Variants in MUC12 observed in about 807,000 individuals in gnomAD.
The protein encoded by MUC12 is mucin-12.
Under a neutral mutation model 230.8 loss-of-function variants are expected in MUC12, and 172 were observed. The observed-to-expected ratio is 0.75, with a 90% CI of 0.66 to 0.85. The LOEUF is 0.85. Among genes scored for constraint, MUC12 ranks in the 40% least tolerant of loss-of-function variants. MUC12 has a pLI of 0.00. For synonymous variants in MUC12, 1,259 were observed against 2,401.9 expected, an observed-to-expected ratio of 0.52 and a Z score of 13.91; for missense variants, 3,506 against 5,920.6, an observed-to-expected ratio of 0.59 and a Z score of 13.38.
In MUC12 at chr7:100,991,654, G is replaced by C; in HGVS notation, c.1091G>C (p.Ser364Thr). The change falls in exon 2 of 12, where the codon AGC becomes ACC. Residue 364 changes from serine (S) to threonine (T), a missense_variant. Coordinates refer to ENST00000536621, the MANE Select transcript of MUC12 (RefSeq NM_001164462.2). ...HVEESTAYHRSPGSTQTMHFP... is the reference protein window; with the variant it reads ...HVEESTAYHRTPGSTQTMHFP... ...GAAGAATCTACAGCCTACCACAGGA[G>C]CCCGGGCTCAACTCAAACAATGCAC... The C allele has an allele frequency of 6.5e-7, 1 of 1,537,198 alleles. No homozygotes were observed. The highest frequency in any genetic ancestry group is 8.7e-7 in the Non-Finnish European group (1 of 1,146,464).
In MUC12 at chr7:100,991,596, C is replaced by A. The variant is rs61745827; in HGVS notation, c.1033C>A (p.Pro345Thr). The change falls in exon 2 of 12, where the codon CCA becomes ACA. Residue 345 changes from proline to threonine, a missense_variant. Coordinates refer to ENST00000536621, the MANE Select transcript of MUC12 (RefSeq NM_001164462.2). ...SSPVATATTPPPARSATSGHV... is the reference protein window; with the variant it reads ...SSPVATATTPTPARSATSGHV... ...CCCAGTTGCAACTGCAACAACACCC[C>A]CACCTGCCCGCTCCGCGACCTCAGG... 4 of 1,513,092 alleles carry A rather than the reference C, an allele frequency of 2.6e-6. No individual in the cohort carries two copies. Among genetic ancestry groups the A allele is most frequent in the Non-Finnish European group, 3.5e-6 (4 of 1,132,292 alleles). The allele number at this position is 1,513,092 out of a possible 1,614,324, so 93.7% of individuals were successfully genotyped here.
intron 1 of MUC12, chr7:100,972,744 A>T (rs1214561640): frequency 1.6e-6 from 1 of 642,720 alleles, no homozygotes; most frequent in Admixed American, 2.2e-5. Context: ...GGCCTCAAGT[A>T]ATCTGCTCAG....
chr7:101,018,480 ACTCC>A (rs1793992756), intron 11 of MUC12, 111 bp from the exon 12 acceptor site: 2 of 284,406 alleles, frequency 7.0e-6, no homozygotes, highest in Admixed American at 4.1e-5. Context: ...TCCCCCTGGG[ACTCC>A]CTCCCTCCCC....
rs185465810 is a variant in MUC12 at position 100,981,686 on chromosome 7, A to G, written c.68-8945A>G. Among the ~76,000 whole-genome samples, 7 of 152,276 alleles carry G rather than the reference A, an allele frequency of 4.6e-5. No homozygotes were observed. The East Asian group carries it at 1.3e-3, about 29-fold the overall frequency. On this transcript the variant is annotated intron_variant, in intron 1 of 11. Transcript: ENST00000536621. ...GGTAACAAATCGGAGAGAAAATGGT[A>G]TGAATCCAGGAACAAAGGCAAAAGA...
intron 1 of MUC12, chr7:100,972,100 C>G (rs1395303365): frequency 1.4e-6 from 1 of 703,190 alleles, no homozygotes; most frequent in African/African-American, 1.7e-5. Flanking sequence ...CCAGAGACCC[C>G]CTGCCCTCCT....
At chr7:100,988,008 G>A (rs1308408757) in intron 1 of MUC12, among the ~76,000 whole-genome samples, 3 of 149,842 alleles carry the variant, frequency 2.0e-5, no homozygotes, top group Admixed American at 2.0e-4. Flanking sequence ...AAAAAGAAGT[G>A]TGTGGCATTG....
At position 100,991,669 on chromosome 7, in the gene MUC12, A is replaced by C. The variant is rs763626944; in HGVS notation, c.1106A>C (p.Gln369Pro). 7 of 1,537,472 alleles carry C rather than the reference A, an allele frequency of 4.6e-6. No individual in the cohort carries two copies. The African/African-American group carries it at 9.6e-5, about 21-fold the overall frequency. Reference protein sequence around the residue: ...TAYHRSPGSTQTMHFPESSTT... With the variant: ...TAYHRSPGSTPTMHFPESSTT... ...TACCACAGGAGCCCGGGCTCAACTC[A>C]AACAATGCACTTCCCTGAAAGCTCC... The change falls in exon 2 of 12, where the codon CAA (glutamine) becomes CCA (proline). Residue 369 changes from glutamine to proline, a missense_variant. Gln to Pro is a moderately conservative substitution (Grantham distance 76, BLOSUM62 -1). Coordinates refer to ENST00000536621, the MANE Select transcript of MUC12 (RefSeq NM_001164462.2).
rs774508002 is a variant in MUC12, at chr7:100,991,355, C to T, written c.792C>T (p.Ser264=). The change falls in exon 2 of 12, where the codon TCC becomes TCT. Residue 264 remains serine, a synonymous_variant. Coordinates refer to ENST00000536621, the MANE Select transcript of MUC12 (RefSeq NM_001164462.2). Reference sequence around the variant, plus strand: ...CTGGATCGCCACACACAACACTGTCCCCTTCCAGCTCTACAACCCATGAGG... The same window carrying T: ...CTGGATCGCCACACACAACACTGTCTCCTTCCAGCTCTACAACCCATGAGG... ...SSTGSPHTTL[S]PSSSTTHEGE... 13 of 1,537,632 alleles carry T rather than the reference C, an allele frequency of 8.5e-6. No individual in the cohort carries two copies. In the African/African-American group the frequency reaches 1.4e-4, roughly 16 times the overall value.
chr7:101,004,708 T>C lies in MUC12; in HGVS notation c.14145T>C (p.Tyr4715=), dbSNP rs2116342879. 2.0e-6 allele frequency: 3 copies of C among 1,537,710 alleles called. No individual in the cohort carries two copies. Among genetic ancestry groups the C allele is most frequent in the East Asian group, 2.4e-5 (1 of 40,894 alleles). The change falls in exon 2 of 12, where the codon TAT becomes TAC. Residue 4715 remains tyrosine (Y), a synonymous_variant. Coordinates refer to ENST00000536621, the MANE Select transcript of MUC12 (RefSeq NM_001164462.2). The part of the protein sequence containing the change: ...SGRIAESTTF[Y]ISPGSMETTL... Reference sequence around the variant, plus strand: ...GCATTGCAGAATCTACCACCTTCTATATCTCTCCAGGCTCAATGGAAACAA... The same window carrying C: ...GCATTGCAGAATCTACCACCTTCTACATCTCTCCAGGCTCAATGGAAACAA...
chr7:100,971,429 G>A (rs1170329211), intron 1 of MUC12, among the ~76,000 whole-genome samples: 1 of 151,506 alleles, frequency 6.6e-6, no homozygotes, highest in Admixed American at 6.6e-5. Context: ...GAGCTGGGGT[G>A]GGGGTCTCTG....
chr7:100,984,676 G>A (rs763056380), intron 1 of MUC12, among the ~76,000 whole-genome samples: 1 of 152,098 alleles, frequency 6.6e-6, no homozygotes, highest in Admixed American at 6.6e-5. Flanking sequence ...TTTGGCCTTT[G>A]TGTGCTTGCG....
At chr7:101,008,281 C>A (rs977531810) in intron 3 of MUC12, among the ~76,000 whole-genome samples, 2 of 151,998 alleles carry the variant, frequency 1.3e-5, no homozygotes, top group African/African-American at 4.8e-5. Context: ...CGTGCACTAC[C>A]ATGCCTGGTT....
chr7:101,007,652 TTGA>T (rs1483328309), intron 3 of MUC12, among the ~76,000 whole-genome samples: 2 of 152,228 alleles, frequency 1.3e-5, no homozygotes, highest in African/African-American at 2.4e-5. Context: ...CATTCATCTG[TTGA>T]TGGACACTTG....
chr7:101,013,876 T>A (rs1293095055), intron 8 of MUC12, 37 bp from the exon 9 acceptor site: 34 of 1,510,928 alleles, frequency 2.3e-5, no homozygotes, highest in Non-Finnish European at 2.9e-5. Flanking sequence ...ATGTGAGGGA[T>A]CCCAGGGGAT....
At chr7:100,985,288 G>A (rs1376434345) in intron 1 of MUC12, among the ~76,000 whole-genome samples, 2 of 152,150 alleles carry the variant, frequency 1.3e-5, no homozygotes, top group Non-Finnish European at 2.9e-5. Context: ...GTTCCTGGGT[G>A]GGGGCCACAA....
Position 101,017,606 on chromosome 7 carries a change from T to C in MUC12, c.15909T>C (p.Leu5303=). 2.0e-6 allele frequency: 3 copies of C among 1,536,012 alleles called. No homozygotes were observed. Among genetic ancestry groups the C allele is most frequent in the Non-Finnish European group, 2.6e-6 (3 of 1,146,144 alleles). ...ATCTGAGGGAGAGCAGATTCGGCCT[T>C]GAGAACGCCTACAACAACTTCCGGC... ...DQNLRESRFG[L]ENAYNNFRPT... Residue 5303 remains leucine (L), a synonymous_variant, in exon 11 of 12, where the codon CTT becomes CTC. Coordinates refer to ENST00000536621, the MANE Select transcript of MUC12 (RefSeq NM_001164462.2).
chr7:100,972,964 C>T (rs79948354), intron 1 of MUC12: 27 of 661,622 alleles, frequency 4.1e-5, no homozygotes, highest in Admixed American at 2.3e-4. Flanking sequence ...AGGGGAGCTA[C>T]GGTGCAGGAA....
Position 100,991,396 on chromosome 7 carries a change from T to A in MUC12, c.833T>A (p.Phe278Tyr), listed in dbSNP as rs576103280. ...STTHEGEPTTFQSWPSSKDTS... is the reference protein window; with the variant it reads ...STTHEGEPTTYQSWPSSKDTS... ...ACCCATGAGGGAGAACCTACCACCT[T>A]CCAGAGCTGGCCAAGCTCAAAGGAC... The change falls in exon 2 of 12, where the codon TTC becomes TAC. Residue 278 changes from phenylalanine (F) to tyrosine (Y), a missense_variant. Physicochemically the swap from Phe to Tyr is conservative, Grantham distance 22. Coordinates refer to ENST00000536621, the MANE Select transcript of MUC12 (RefSeq NM_001164462.2). The A allele has an allele frequency of 6.5e-7, 1 of 1,537,748 alleles. No homozygotes were observed. The highest frequency in any genetic ancestry group is 2.0e-5 in the Admixed American group (1 of 50,996).
intron 1 of MUC12, among the ~76,000 whole-genome samples, chr7:100,983,841 C>T (rs779597500): frequency 3.9e-5 from 6 of 152,212 alleles, no homozygotes; most frequent in African/African-American, 7.2e-5. Flanking sequence ...ACTTTTATAA[C>T]GTAAAAATTC....
Sources: allele counts gnomAD v4.1 joint callset (sites outside exome capture counted in the v4.1 genomes callset), GRCh38; gene constraint gnomAD v4.1.1; transcripts MANE v1.5; gene names NCBI Gene and HGNC (gene_info 2026-07-23, HGNC 2026-07-21).